FRMD6: variants seen among roughly 807,000 people sequenced by gnomAD.
FRMD6 encodes FERM domain-containing protein 6.
A neutral mutation model predicts 73.2 loss-of-function variants in FRMD6; 37 were observed. That is an observed-to-expected ratio of 0.51 (90% confidence interval 0.39 to 0.66). The LOEUF (loss-of-function observed/expected upper bound fraction) is 0.66, where lower values mean the gene tolerates loss of function less well. Among genes scored for constraint, FRMD6 ranks in the 30% least tolerant of loss-of-function variants. The pLI is 0.00. For missense variants in FRMD6, 714 were observed against 780.5 expected (o/e 0.91, Z 1.02); for synonymous variants, 273 against 282.2 (o/e 0.97, Z 0.33).
At chr14:51,424,284 A>C in the FRMD6 span, among the ~76,000 whole-genome samples, 2 of 152,214 alleles carry the variant, frequency 1.3e-5, no homozygotes, top group African/African-American at 4.8e-5. Flanking sequence ...GGATGACAGA[A>C]CCTGTACTGA....
chr14:51,471,543 C>T, the FRMD6 span, among the ~76,000 whole-genome samples: 1 of 150,736 alleles, frequency 6.6e-6, no homozygotes, highest in African/African-American at 2.4e-5. Context: ...ATGAATTATT[C>T]TTTTTATCAT....
chr14:51,596,461 A>G (rs1042331159), intron 2 of FRMD6, among the ~76,000 whole-genome samples: 1 of 152,146 alleles, frequency 6.6e-6, no homozygotes, highest in Non-Finnish European at 1.5e-5. Flanking sequence ...ATATCAAAAT[A>G]TTTTGTGTTC....
chr14:51,723,831 A>G (rs577038286), intron 12 of FRMD6, among the ~76,000 whole-genome samples: 2 of 152,116 alleles, frequency 1.3e-5, no homozygotes, highest in East Asian at 3.8e-4. Context: ...ATACAATGGT[A>G]TATAACCATT....
At chr14:51,605,153 T>TA (rs1890201671) in intron 2 of FRMD6, among the ~76,000 whole-genome samples, 1 of 149,828 alleles carries the variant, frequency 6.7e-6, no homozygotes, top group African/African-American at 2.4e-5. Flanking sequence ...TTTTTTTTTT[T>TA]TTTTTATTGA....
At chr14:51,396,812 G>A in the FRMD6 span, among the ~76,000 whole-genome samples, 6 of 152,154 alleles carry the variant, frequency 3.9e-5, no homozygotes, top group Non-Finnish European at 8.8e-5. Flanking sequence ...TATGTAACTG[G>A]ACGAGCTACA....
intron 2 of FRMD6, among the ~76,000 whole-genome samples, chr14:51,614,457 A>G (rs77893611): frequency 0.073 from 11,026 of 151,988 alleles, 920 homozygotes; most frequent in African/African-American, 0.21. Context: ...TGGTTTATTA[A>G]CTCTGTAATT....
At chr14:51,494,618 G>T (rs1883192017) in intron 1 of FRMD6, among the ~76,000 whole-genome samples, 1 of 152,168 alleles carries the variant, frequency 6.6e-6, no homozygotes, top group Non-Finnish European at 1.5e-5. Flanking sequence ...GGTTCTTTGG[G>T]GCTGAAATGC....
chr14:51,558,570 G>C (rs1887288801), intron 1 of FRMD6, among the ~76,000 whole-genome samples: 1 of 151,470 alleles, frequency 6.6e-6, no homozygotes, highest in Non-Finnish European at 1.5e-5. Context: ...AAAAATTTTA[G>C]CCATTTTAAA....
At chr14:51,710,225 A>AGT (rs1896868797) in intron 7 of FRMD6, among the ~76,000 whole-genome samples, 1 of 152,146 alleles carries the variant, frequency 6.6e-6, no homozygotes, top group Non-Finnish European at 1.5e-5. Context: ...AACATAATGA[A>AGT]GTGGGGGAAA....
intron 10 of FRMD6, among the ~76,000 whole-genome samples, chr14:51,717,996 C>T (rs1201926201): frequency 6.6e-6 from 1 of 152,166 alleles, no homozygotes; most frequent in African/African-American, 2.4e-5. Flanking sequence ...TATGAAAAAC[C>T]TCATTGTCTC....
At chr14:51,612,372 T>C (rs545495897) in intron 2 of FRMD6, among the ~76,000 whole-genome samples, 1 of 152,338 alleles carries the variant, frequency 6.6e-6, no homozygotes, top group African/African-American at 2.4e-5. Flanking sequence ...TATATCATCA[T>C]TGCTTCTGTT....
chr14:51,410,622 T>C, the FRMD6 span, among the ~76,000 whole-genome samples: 3 of 152,216 alleles, frequency 2.0e-5, no homozygotes, highest in Non-Finnish European at 4.4e-5. Context: ...AGGTCAGATA[T>C]GTGAAAATAC....
chr14:51,436,632 G>A, the FRMD6 span: 1 of 545,416 alleles, frequency 1.8e-6, no homozygotes, highest in East Asian at 4.1e-5. Flanking sequence ...TGCGGAACTA[G>A]AGAGTTTTTT....
At chr14:51,654,281 G>T in intron 1 of FRMD6, among the ~76,000 whole-genome samples, 1 of 121,714 alleles carries the variant, frequency 8.2e-6, no homozygotes, top group Non-Finnish European at 1.6e-5. Flanking sequence ...AAAAAAAATT[G>T]TTACTGAACT....
intron 2 of FRMD6, among the ~76,000 whole-genome samples, chr14:51,630,383 T>C (rs1891289215): frequency 6.6e-6 from 1 of 152,096 alleles, no homozygotes. Flanking sequence ...GAAGCTGGGA[T>C]TCAAGCCCAT....
At chr14:51,434,558 T>C in the FRMD6 span, among the ~76,000 whole-genome samples, 4 of 97,366 alleles carry the variant, frequency 4.1e-5, no homozygotes, top group African/African-American at 1.6e-4. Context: ...TAAATTGACA[T>C]GAGTAATTGA....
the FRMD6 span, among the ~76,000 whole-genome samples, chr14:51,481,019 A>G: frequency 6.6e-6 from 1 of 152,238 alleles, no homozygotes. Context: ...CATGTAAAAT[A>G]CTAAGAGTAA....
intron 1 of FRMD6, among the ~76,000 whole-genome samples, chr14:51,514,934 G>A (rs1884534833): frequency 6.6e-6 from 1 of 152,212 alleles, no homozygotes; most frequent in Non-Finnish European, 1.5e-5. Context: ...GTGGTTGTGG[G>A]TATTGCTTTT....
the FRMD6 span, among the ~76,000 whole-genome samples, chr14:51,448,503 T>C: frequency 6.6e-6 from 1 of 152,242 alleles, no homozygotes. Flanking sequence ...ATGAATTTGT[T>C]GGCATGTCTG....
Sources: allele counts gnomAD v4.1 joint callset (sites outside exome capture counted in the v4.1 genomes callset), GRCh38; gene constraint gnomAD v4.1.1; transcripts MANE v1.5; gene names NCBI Gene and HGNC (gene_info 2026-07-23, HGNC 2026-07-21).